The following HOMER1 variants were observed in gnomAD, a reference collection of about 807,000 sequenced individuals.
The protein encoded by HOMER1 is homer scaffold protein 1, also known as homer protein homolog 1.
A neutral mutation model predicts 48.9 loss-of-function variants in HOMER1; 3 were observed. The observed-to-expected ratio is 0.06, with a 90% CI of 0.03 to 0.16. The LOEUF is 0.16. Ranked by LOEUF, HOMER1 falls within the 10% of genes least tolerant of loss-of-function variation. The pLI is 1.00. For synonymous variants in HOMER1, 134 were observed against 146.4 expected, an observed-to-expected ratio of 0.92 and a Z score of 0.61; for missense variants, 247 against 411.4, an observed-to-expected ratio of 0.60 and a Z score of 3.46.
At chr5:79,409,036 C>T (rs1197727410) in intron 5 of HOMER1, among the ~76,000 whole-genome samples, 1 of 141,816 alleles carries the variant, frequency 7.1e-6, no homozygotes, top group African/African-American at 2.8e-5. Flanking sequence ...GAGCCAAGAT[C>T]ATGCCACTGC....
At chr5:79,417,506 G>A (rs746227661) in intron 5 of HOMER1, among the ~76,000 whole-genome samples, 37 of 152,180 alleles carry the variant, frequency 2.4e-4, no homozygotes, top group Admixed American at 5.9e-4. Flanking sequence ...TTCAGGAAAT[G>A]ATGTTAGACT....
intron 8 of HOMER1, among the ~76,000 whole-genome samples, chr5:79,381,482 A>C (rs1748973275): frequency 6.6e-6 from 1 of 152,230 alleles, no homozygotes; most frequent in Non-Finnish European, 1.5e-5. Flanking sequence ...GGAAAAGAAT[A>C]ATTCTCCAGC....
chr5:79,383,036 A>G (rs1749022253), intron 8 of HOMER1, among the ~76,000 whole-genome samples: 1 of 152,242 alleles, frequency 6.6e-6, no homozygotes, highest in Non-Finnish European at 1.5e-5. Context: ...ATGTATGGAA[A>G]AAGATATTCC....
At chr5:79,455,284 G>A (rs1487950226) in intron 2 of HOMER1, among the ~76,000 whole-genome samples, 2 of 152,112 alleles carry the variant, frequency 1.3e-5, no homozygotes, top group Non-Finnish European at 2.9e-5. Context: ...TGGTGATATG[G>A]TTTGGCTCTG....
intron 6 of HOMER1, among the ~76,000 whole-genome samples, chr5:79,401,511 C>T (rs909382510): frequency 1.3e-5 from 2 of 152,122 alleles, no homozygotes; most frequent in Admixed American, 1.3e-4. Flanking sequence ...AAAGCATTCC[C>T]GCTTCACCGT....
chr5:79,472,698 G>A (rs985212808), intron 1 of HOMER1, among the ~76,000 whole-genome samples: 11 of 151,998 alleles, frequency 7.2e-5, no homozygotes, highest in Non-Finnish European at 1.6e-4. Context: ...AGGATCGCTT[G>A]AGCCCGTAAG....
chr5:79,485,647 C>T (rs1159089377), intron 1 of HOMER1, among the ~76,000 whole-genome samples: 3 of 152,122 alleles, frequency 2.0e-5, no homozygotes, highest in Non-Finnish European at 2.9e-5. Flanking sequence ...AAATTACAAA[C>T]TGTGGTAAGT....
At chr5:79,407,145 C>T (rs1364680360) in intron 5 of HOMER1, among the ~76,000 whole-genome samples, 1 of 152,102 alleles carries the variant, frequency 6.6e-6, no homozygotes, top group Non-Finnish European at 1.5e-5. Flanking sequence ...AGTAACCATA[C>T]CAACAACAAA....
intron 1 of HOMER1, among the ~76,000 whole-genome samples, chr5:79,485,422 G>T (rs1002559862): frequency 6.6e-6 from 1 of 152,194 alleles, no homozygotes; most frequent in East Asian, 1.9e-4. Context: ...CTAAGCTAAA[G>T]AGTAAGGCAT....
chr5:79,507,010 G>A (rs1031242715), intron 1 of HOMER1, among the ~76,000 whole-genome samples: 1 of 151,622 alleles, frequency 6.6e-6, no homozygotes, highest in African/African-American at 2.4e-5. Flanking sequence ...TCAGGAGTTC[G>A]AAACCAGCCT....
At chr5:79,418,761 G>T in intron 5 of HOMER1, among the ~76,000 whole-genome samples, 1 of 152,280 alleles carries the variant, frequency 6.6e-6, no homozygotes, top group East Asian at 1.9e-4. Context: ...ACGCCCACCC[G>T]TAAGGTTTTT....
intron 1 of HOMER1, among the ~76,000 whole-genome samples, chr5:79,498,835 C>CTTT (rs368140541): frequency 1.6e-4 from 22 of 133,908 alleles, no homozygotes; most frequent in Admixed American, 3.7e-4. Context: ...CAGGTCTCCA[C>CTTT]TTTTTTTTTT....
chr5:79,451,310 A>C (rs1025145030), intron 2 of HOMER1, among the ~76,000 whole-genome samples, 189 bp from the exon 3 acceptor site: 11 of 152,200 alleles, frequency 7.2e-5, no homozygotes, highest in African/African-American at 2.7e-4. Context: ...TAAAATATAA[A>C]TATGATGACA....
chr5:79,393,012 A>G (rs1381791695), intron 8 of HOMER1, among the ~76,000 whole-genome samples: 4 of 151,340 alleles, frequency 2.6e-5, no homozygotes, highest in African/African-American at 9.7e-5. Context: ...GAATAAAACA[A>G]AGCAAATATA....
intron 1 of HOMER1, among the ~76,000 whole-genome samples, chr5:79,500,633 CT>C (rs200420964): frequency 0.24 from 36,200 of 148,186 alleles, 4,522 homozygotes; most frequent in Admixed American, 0.33. Context: ...TATATTTTAT[CT>C]TTTTTTTTTT....
chr5:79,454,242 T>C (rs939210024), intron 2 of HOMER1, among the ~76,000 whole-genome samples: 7 of 152,190 alleles, frequency 4.6e-5, no homozygotes, highest in Non-Finnish European at 1.0e-4. Context: ...ATCTATTTAA[T>C]CACTTCCATA....
Position 79,396,880 on chromosome 5 carries a change from T to G in HOMER1, c.819A>C (p.Glu273Asp). The G allele has an allele frequency of 6.2e-7, 1 of 1,600,400 alleles. No individual in the cohort carries two copies. Among genetic ancestry groups the G allele is most frequent in the Non-Finnish European group, 8.6e-7 (1 of 1,169,414 alleles). Reference protein sequence around the residue: ...KEEEIERLKQEIDNARELQEQ... With the variant: ...KEEEIERLKQDIDNARELQEQ... The stretch of plus-strand genomic sequence containing the variant: ...CTTGTAGTTCTCTGGCATTATCAAT[T>G]TCTTGTTTTAACCTTTCTATTTCCT... The change falls in exon 8 of 9, where the codon GAA (glutamate) becomes GAC (aspartate). Residue 273 changes from glutamate to aspartate, a missense_variant. By Grantham distance (45) the Glu-to-Asp change is conservative. This residue lies in a region of HOMER1 where 113 missense variants were observed against 152.5 expected (regional missense o/e 0.74). Transcript: ENST00000334082.
intron 8 of HOMER1, among the ~76,000 whole-genome samples, chr5:79,389,176 G>A (rs985551611): frequency 6.6e-6 from 1 of 151,938 alleles, no homozygotes; most frequent in Admixed American, 6.6e-5. Context: ...ATAATGGAGT[G>A]TCATTTTCAA....
intron 1 of HOMER1, among the ~76,000 whole-genome samples, chr5:79,478,415 G>A (rs1188581104): frequency 2.6e-5 from 4 of 152,180 alleles, no homozygotes; most frequent in East Asian, 1.9e-4. Context: ...TAGGCTGGGC[G>A]CAGTGGCTCA....
Sources: gnomAD v4.1 joint callset for allele counts (sites outside exome capture counted in the v4.1 genomes callset) on GRCh38, gnomAD v4.1.1 for gene constraint, gnomAD v4.1.1 regional missense constraint, MANE v1.5 for transcripts, NCBI Gene and HGNC (gene_info 2026-07-23, HGNC 2026-07-21) for gene names.